The following TMEM181 variants were observed in gnomAD, a reference collection of about 807,000 sequenced individuals.
The protein encoded by TMEM181 is transmembrane protein 181, also known as G protein-coupled receptor 178.
In TMEM181, 39 loss-of-function variants were observed where a neutral mutation model predicts 71.9. The observed-to-expected ratio is 0.54, with a 90% CI of 0.42 to 0.71. The LOEUF (loss-of-function observed/expected upper bound fraction) is 0.71, where lower values mean the gene tolerates loss of function less well. Ranked by LOEUF, TMEM181 falls within the 30% of genes least tolerant of loss-of-function variation. TMEM181 has a pLI of 0.00. For synonymous variants in TMEM181, 245 were observed against 228.8 expected, an observed-to-expected ratio of 1.07 and a Z score of -0.64; for missense variants, 595 against 583.0, an observed-to-expected ratio of 1.02 and a Z score of -0.21.
chr6:158,623,664 A>G (rs997107674), intron 11 of TMEM181, 57 bp downstream of exon 11: 5 of 1,272,462 alleles, frequency 3.9e-6, no homozygotes, highest in Non-Finnish European at 5.5e-6. Flanking sequence ...TTGTAAAATT[A>G]CTGAATTTTG....
intron 10 of TMEM181, 25 bp downstream of exon 10, chr6:158,608,775 A>G: frequency 6.3e-7 from 1 of 1,598,628 alleles, no homozygotes; most frequent in Non-Finnish European, 8.5e-7. Flanking sequence ...TATGTGTGAA[A>G]CTTCAGTCAT....
intron 10 of TMEM181, among the ~76,000 whole-genome samples, chr6:158,614,960 G>A (rs1284582439): frequency 3.3e-5 from 5 of 152,182 alleles, no homozygotes; most frequent in Non-Finnish European, 7.3e-5. Flanking sequence ...GTGTGCATGT[G>A]TCTTTATAGT....
At chr6:158,571,454 G>A (rs1356051618) in intron 1 of TMEM181, among the ~76,000 whole-genome samples, 7 of 134,232 alleles carry the variant, frequency 5.2e-5, no homozygotes, top group Non-Finnish European at 9.8e-5. Context: ...GAGCCACCAC[G>A]CCTGGCTGCT....
chr6:158,572,878 AGTGGGCTT>A (rs138521114), intron 1 of TMEM181, among the ~76,000 whole-genome samples: 58,883 of 149,966 alleles, frequency 0.39, 11,864 homozygotes, highest in Middle Eastern at 0.5. Context: ...CAGAGGGAGG[AGTGGGCTT>A]GTGGGCTTGT....
chr6:158,597,606 TC>T (rs1784450422), intron 6 of TMEM181, among the ~76,000 whole-genome samples: 1 of 152,134 alleles, frequency 6.6e-6, no homozygotes, highest in Admixed American at 6.5e-5. Flanking sequence ...CCTCAAGCGA[TC>T]CTTCCACCTC....
intron 6 of TMEM181, among the ~76,000 whole-genome samples, chr6:158,592,465 T>G (rs1384530548): frequency 7.6e-6 from 1 of 131,836 alleles, no homozygotes; most frequent in East Asian, 2.2e-4. Flanking sequence ...GACAACATAA[T>G]GAGACCCCAT....
chr6:158,614,062 C>T (rs1435451213), intron 10 of TMEM181, among the ~76,000 whole-genome samples: 4 of 152,216 alleles, frequency 2.6e-5, no homozygotes, highest in Non-Finnish European at 5.9e-5. Context: ...AGTTTTAGAA[C>T]ATATGTTAAT....
intron 2 of TMEM181, among the ~76,000 whole-genome samples, chr6:158,579,667 C>A (rs958872943): frequency 6.6e-6 from 1 of 151,804 alleles, no homozygotes; most frequent in Non-Finnish European, 1.5e-5. Flanking sequence ...TGCAGTGAGC[C>A]GAGATCCTGC....
chr6:158,573,842 T>C (rs1783015878), intron 2 of TMEM181, among the ~76,000 whole-genome samples: 1 of 151,792 alleles, frequency 6.6e-6, no homozygotes, highest in Non-Finnish European at 1.5e-5. Flanking sequence ...TGGGCGCTGG[T>C]GTGTCCAGAA....
At chr6:158,544,176 G>GTA (rs1781445689) in intron 1 of TMEM181, among the ~76,000 whole-genome samples, 1 of 121,916 alleles carries the variant, frequency 8.2e-6, no homozygotes, top group African/African-American at 3.4e-5. Flanking sequence ...GGTGCAAATT[G>GTA]GAGAGAGTGT....
intron 7 of TMEM181, among the ~76,000 whole-genome samples, chr6:158,606,466 T>C (rs1444703331): frequency 6.6e-6 from 1 of 152,214 alleles, no homozygotes; most frequent in African/African-American, 2.4e-5. Context: ...TGCCACACTC[T>C]GGAGTCCAAA....
intron 16 of TMEM181, 109 bp downstream of exon 16, chr6:158,631,498 T>C: frequency 2.4e-6 from 3 of 1,230,522 alleles, no homozygotes; most frequent in Non-Finnish European, 3.6e-6. Context: ...TATGAAGGCA[T>C]TTACCTTGGA....
At chr6:158,565,048 G>A (rs1349515857) in intron 1 of TMEM181, among the ~76,000 whole-genome samples, 1 of 152,142 alleles carries the variant, frequency 6.6e-6, no homozygotes, top group Non-Finnish European at 1.5e-5. Context: ...ACACCCCTTG[G>A]GCCCCTGCTG....
At chr6:158,625,059 A>C in intron 11 of TMEM181, 45 bp from the exon 12 acceptor site, 1 of 1,475,236 alleles carries the variant, frequency 6.8e-7, no homozygotes, top group South Asian at 1.1e-5. Flanking sequence ...GGAGAAGGTC[A>C]CAGAGGCCCT....
In TMEM181 at chr6:158,607,357, T is replaced by C. The variant is rs1328550159; in HGVS notation, c.673+14T>C. ...TACTTTACAATGGTGGGTAGTTCCA[T>C]TTTTACTTAGGAACTTTTCCCTTTA... On this transcript the variant is annotated intron_variant, in intron 8 of 16. Coordinates refer to ENST00000684151, the MANE Select transcript of TMEM181 (RefSeq NM_001376852.1). The C allele has an allele frequency of 2.5e-6, 4 of 1,609,860 alleles. No homozygotes were observed. In the African/African-American group the frequency reaches 5.3e-5, roughly 22 times the overall value.
chr6:158,565,531 A>C (rs903515693), intron 1 of TMEM181, among the ~76,000 whole-genome samples: 1 of 152,246 alleles, frequency 6.6e-6, no homozygotes, highest in African/African-American at 2.4e-5. Context: ...AGGAAGAGAC[A>C]ACGCTGGGGG....
chr6:158,577,061 CAA>C (rs5881280), intron 2 of TMEM181, among the ~76,000 whole-genome samples: 3,795 of 75,946 alleles, frequency 0.05, 67 homozygotes, highest in East Asian at 0.12. Context: ...GACTCCATCT[CAA>C]AAAAAAAAAA....
chr6:158,571,221 C>T (rs1782792200), intron 1 of TMEM181, among the ~76,000 whole-genome samples: 2 of 152,200 alleles, frequency 1.3e-5, no homozygotes, highest in Non-Finnish European at 2.9e-5. Flanking sequence ...CTCAGCCTCC[C>T]AAGTAGCTGG....
Position 158,604,331 on chromosome 6 carries a change from C to T in TMEM181, c.493-936C>T, listed in dbSNP as rs555809417. Among the ~76,000 whole-genome samples, 439 of 124,390 alleles carry T rather than the reference C, an allele frequency of 3.5e-3. 2 individuals carry two copies. Among genetic ancestry groups the T allele is most frequent in the African/African-American group, 0.012 (418 of 35,120 alleles). The allele number at this position is 124,390 out of a possible 152,430, so 81.6% of individuals were successfully genotyped here. A position where few individuals can be genotyped will look rare whatever the true frequency, so the allele number is the denominator to read the frequency against. On this transcript the variant is annotated intron_variant, in intron 6 of 16. Coordinates refer to ENST00000684151, the MANE Select transcript of TMEM181 (RefSeq NM_001376852.1). ...CTTAAATCATCCTTGTGCATGCGTG[C>T]ATGCGTGTGTGTGTGTGTGTGCGTG...
Sources: allele counts gnomAD v4.1 joint callset (sites outside exome capture counted in the v4.1 genomes callset), GRCh38; gene constraint gnomAD v4.1.1; transcripts MANE v1.5; gene names NCBI Gene and HGNC (gene_info 2026-07-23, HGNC 2026-07-21).